SLC18A3: variants seen among roughly 807,000 people sequenced by gnomAD.
The protein encoded by SLC18A3 is vesicular acetylcholine transporter.
A neutral mutation model predicts 24.2 loss-of-function variants in SLC18A3; 18 were observed. That is an observed-to-expected ratio of 0.74 (90% CI 0.51 to 1.10). The LOEUF (loss-of-function observed/expected upper bound fraction) is 1.10. Among genes scored for constraint, SLC18A3 ranks in the 50% least tolerant of loss-of-function variants. The pLI, the probability that SLC18A3 is intolerant of heterozygous loss-of-function variation, is 0.00. For synonymous variants in SLC18A3, 415 were observed against 355.4 expected, an observed-to-expected ratio of 1.17 and a Z score of -1.89; for missense variants, 744 against 750.7, an observed-to-expected ratio of 0.99 and a Z score of 0.10.
rs769518248 is a variant in SLC18A3 at position 49,612,244 on chromosome 10, C to G, written c.1504C>G (p.Arg502Gly). ...GTACGATGCGGTGCGCCTGCGTGAG[C>G]GTCCTGTGTCTGGCCAGGACGGCGA... ...GLYDAVRLRE[R>G]PVSGQDGEPR... The change falls in exon 1 of 1, where the codon CGT becomes GGT. Residue 502 changes from arginine (R) to glycine (G), a missense_variant. Transcript: ENST00000374115. 3 of 1,609,844 alleles carry G rather than the reference C, an allele frequency of 1.9e-6. No homozygotes were observed. The Admixed American group carries it at 5.0e-5, about 27-fold the overall frequency.
rs1292312202 is a variant in SLC18A3, at chr10:49,611,360, A to G, written c.620A>G (p.Glu207Gly). 1 of 1,600,434 alleles carries G rather than the reference A, an allele frequency of 6.2e-7. No homozygotes were observed. Among genetic ancestry groups the G allele is most frequent in the Admixed American group, 1.7e-5 (1 of 59,986 alleles). ...ATGATCGCCGATAAGTACCCGGAGG[A>G]GCCGGAGCGCAGTCGTGCACTGGGC... ...IAMIADKYPEEPERSRALGVA... is the reference protein window; with the variant it reads ...IAMIADKYPEGPERSRALGVA... Residue 207 changes from glutamate (E) to glycine (G), a missense_variant, in exon 1 of 1, where the codon GAG (glutamate) becomes GGG (glycine). Glu to Gly is a moderately conservative substitution (Grantham distance 98). Coordinates refer to ENST00000374115, the MANE Select transcript of SLC18A3 (RefSeq NM_003055.3).
Position 49,612,177 on chromosome 10 carries a change from T to G in SLC18A3, c.1437T>G (p.Arg479=). The change falls in exon 1 of 1, where the codon CGT becomes CGG. Residue 479 remains arginine (R), a synonymous_variant. Transcript: ENST00000374115. The stretch of plus-strand genomic sequence containing the variant: ...ACGTGGGCCTCCTGACGCGCTCCCG[T>G]TCCGAGCGCGATGTGCTGCTTGATG... ...LRNVGLLTRS[R]SERDVLLDEP... 1 of 1,610,216 alleles carries G rather than the reference T, an allele frequency of 6.2e-7. No homozygotes were observed. Among genetic ancestry groups the G allele is most frequent in the Non-Finnish European group, 8.5e-7 (1 of 1,179,976 alleles).
Position 49,610,778 on chromosome 10 carries a change from C to T in SLC18A3, c.38C>T (p.Ala13Val), listed in dbSNP as rs974953532. The change falls in exon 1 of 1, where the codon GCG (alanine) becomes GTG (valine). Residue 13 changes from alanine (A) to valine (V), a missense_variant. This residue lies in a region of SLC18A3 where 566 missense variants were observed against 566.2 expected (regional missense o/e 1.00). Coordinates refer to ENST00000374115, the MANE Select transcript of SLC18A3 (RefSeq NM_003055.3). The stretch of plus-strand genomic sequence containing the variant: ...GAACCTGCGGGCCAGGCCCGGGCGG[C>T]GGCCACCAAGCTGTCGGAGGCTGTG... ...SAEPAGQARA[A>V]ATKLSEAVGA... The T allele has an allele frequency of 1.3e-6, 2 of 1,564,712 alleles. No individual in the cohort carries two copies. Among genetic ancestry groups the T allele is most frequent in the East Asian group, 2.3e-5 (1 of 43,222 alleles).
Position 49,611,864 on chromosome 10 carries a change from C to A in SLC18A3, c.1124C>A (p.Pro375His). 1 of 1,607,230 alleles carries A rather than the reference C, an allele frequency of 6.2e-7. No individual in the cohort carries two copies. The highest frequency in any genetic ancestry group is 2.2e-5 in the East Asian group (1 of 44,874). Residue 375 changes from proline (P) to histidine (H), a missense_variant, in exon 1 of 1, where the codon CCC becomes CAC. Physicochemically the swap from Pro to His is moderately conservative, Grantham distance 77. Transcript: ENST00000374115. ...ATCGGCGCCAGCTCGTGCATCGTGC[C>A]CGCCTGCCGCTCCTTCGCGCCGCTA... ...AVIGASSCIV[P>H]ACRSFAPLVV...
In SLC18A3 at chr10:49,610,822, C is replaced by T; in HGVS notation, c.82C>T (p.Pro28Ser). 1 of 1,605,252 alleles carries T rather than the reference C, an allele frequency of 6.2e-7. No individual in the cohort carries two copies. Among genetic ancestry groups the T allele is most frequent in the Non-Finnish European group, 8.5e-7 (1 of 1,176,184 alleles). Residue 28 changes from proline (P) to serine (S), a missense_variant, in exon 1 of 1, where the codon CCC (proline) becomes TCC (serine). Around this residue, in one of 3 missense-constraint regions of SLC18A3, gnomAD observed 566 missense variants for 566.2 expected, o/e 1.00. Transcript: ENST00000374115. The stretch of plus-strand genomic sequence containing the variant: ...GGCTGTGGGCGCGGCGCTGCAGGAG[C>T]CCCGGCGGCAGAGGCGCCTGGTGCT... ...SEAVGAALQE[P>S]RRQRRLVLVI...
In SLC18A3 at chr10:49,610,899, C is replaced by G. The variant is rs550120542; in HGVS notation, c.159C>G (p.Ile53Met). ...LLLDNMLYMV[I>M]VPIVPDYIAH... ...TGGACAACATGCTGTACATGGTCAT[C>G]GTGCCCATAGTGCCCGACTACATCG... Residue 53 changes from isoleucine (I) to methionine (M), a missense_variant, in exon 1 of 1, where the codon ATC (isoleucine) becomes ATG (methionine). This residue lies in a region of SLC18A3 where 566 missense variants were observed against 566.2 expected (regional missense o/e 1.00). Coordinates refer to ENST00000374115, the MANE Select transcript of SLC18A3 (RefSeq NM_003055.3). 4 of 1,612,944 alleles carry G rather than the reference C, an allele frequency of 2.5e-6. No individual in the cohort carries two copies. The highest frequency in any genetic ancestry group is 1.7e-5 in the Admixed American group (1 of 59,912).
rs1403471491 is a variant in SLC18A3 at position 49,611,552 on chromosome 10, G to A, written c.812G>A (p.Arg271Gln). Residue 271 changes from arginine (R) to glutamine (Q), a missense_variant, in exon 1 of 1, where the codon CGG (arginine) becomes CAG (glutamine). Arg to Gln is a conservative substitution (Grantham distance 43). This residue lies in a region of SLC18A3 where 566 missense variants were observed against 566.2 expected (regional missense o/e 1.00). Transcript: ENST00000374115. Reference sequence around the variant, plus strand: ...GCCAAACCCTTCTCGGCGGCTGCACGGGCTCGGGCCAACCTGCCAGTGGGC... The same window carrying A: ...GCCAAACCCTTCTCGGCGGCTGCACAGGCTCGGGCCAACCTGCCAGTGGGC... The part of the protein sequence containing the change: ...AVAKPFSAAA[R>Q]ARANLPVGTP... The A allele has an allele frequency of 6.2e-7, 1 of 1,604,404 alleles. No individual in the cohort carries two copies. The highest frequency in any genetic ancestry group is 1.3e-5 in the African/African-American group (1 of 74,940).
chr10:49,612,534 G>T lies in SLC18A3; in HGVS notation c.*195G>T. 1.7e-6 allele frequency: 1 copy of T among 589,400 alleles called. No individual in the cohort carries two copies. Among genetic ancestry groups the T allele is most frequent in the South Asian group, 3.0e-5 (1 of 33,386 alleles). The allele number at this position is 589,400 out of a possible 1,614,324, so 36.5% of individuals were successfully genotyped here. ...TTTCTCTCTTGTCCAATGGGGCTTG[G>T]AGCACCGAGGCCAGCGAAGCCATCG... On this transcript the variant is annotated 3_prime_UTR_variant, in exon 1 of 1. Transcript: ENST00000374115.
chr10:49,611,946 G>A lies in SLC18A3; in HGVS notation c.1206G>A (p.Leu402=). 6.2e-7 allele frequency: 1 copy of A among 1,612,554 alleles called. No homozygotes were observed. Among genetic ancestry groups the A allele is most frequent in the Non-Finnish European group, 8.5e-7 (1 of 1,179,288 alleles). The change falls in exon 1 of 1, where the codon CTG becomes CTA. Residue 402 remains leucine (L), a synonymous_variant. Transcript: ENST00000374115. ...FGIALVDTAL[L]PTLAFLVDVR... ...TAGCCCTAGTCGACACAGCACTGCT[G>A]CCCACGCTCGCCTTCCTGGTGGACG...
rs760191637 is a variant in SLC18A3, at chr10:49,611,391, G to T, written c.651G>T (p.Ala217=). Residue 217 remains alanine, a synonymous_variant, in exon 1 of 1, where the codon GCG becomes GCT. Coordinates refer to ENST00000374115, the MANE Select transcript of SLC18A3 (RefSeq NM_003055.3). ...AGCGCAGTCGTGCACTGGGCGTGGC[G>T]CTGGCCTTCATTAGCTTCGGAAGCC... ...EPERSRALGV[A]LAFISFGSLV... is the part of the protein sequence containing the mutation. 1.3e-6 allele frequency: 2 copies of T among 1,598,856 alleles called. No homozygotes were observed. The highest frequency in any genetic ancestry group is 2.2e-5 in the East Asian group (1 of 44,818).
In SLC18A3 at chr10:49,612,492, G is replaced by T; in HGVS notation, c.*153G>T. Reference sequence around the variant, plus strand: ...ACTTCTGCCCAAATCCCCTCCCTGTGACCCGTTCCATATCCCTTTCTCTCT... The same window carrying T: ...ACTTCTGCCCAAATCCCCTCCCTGTTACCCGTTCCATATCCCTTTCTCTCT... On this transcript the variant is annotated 3_prime_UTR_variant, in exon 1 of 1. Transcript: ENST00000374115. The T allele has an allele frequency of 2.7e-6, 2 of 730,910 alleles. No individual in the cohort carries two copies. The highest frequency in any genetic ancestry group is 4.5e-6 in the Non-Finnish European group (2 of 441,172). The allele number at this position is 730,910 out of a possible 1,614,324, so 45.3% of individuals were successfully genotyped here.
chr10:49,612,641 T>G lies in SLC18A3; in HGVS notation c.*302T>G. The stretch of plus-strand genomic sequence containing the variant: ...GAGCCTGCATCTGTCTGTCCTTCCT[T>G]CCATTGCTCCCAGTGCCAAACTTGG... On this transcript the variant is annotated 3_prime_UTR_variant, in exon 1 of 1. Coordinates refer to ENST00000374115, the MANE Select transcript of SLC18A3 (RefSeq NM_003055.3). 2.7e-6 allele frequency: 1 copy of G among 368,042 alleles called. No homozygotes were observed. Among genetic ancestry groups the G allele is most frequent in the Non-Finnish European group, 5.1e-6 (1 of 196,144 alleles). 22.8% of individuals were successfully genotyped at this position (368,042 alleles called of 1,614,324 possible).
Position 49,610,951 on chromosome 10 carries a change from C to A in SLC18A3, c.211C>A (p.Pro71Thr). 1 of 1,610,696 alleles carries A rather than the reference C, an allele frequency of 6.2e-7. No homozygotes were observed. Among genetic ancestry groups the A allele is most frequent in the South Asian group, 1.1e-5 (1 of 90,844 alleles). ...CCACATGCGCGGGGGCGGCGAGGGC[C>A]CCACCCGGACTCCCGAGGTGTGGGA... ...IAHMRGGGEG[P>T]TRTPEVWEPT... Residue 71 changes from proline (P) to threonine (T), a missense_variant, in exon 1 of 1, where the codon CCC becomes ACC. By Grantham distance (38) the Pro-to-Thr change is conservative. Coordinates refer to ENST00000374115, the MANE Select transcript of SLC18A3 (RefSeq NM_003055.3).
Position 49,612,087 on chromosome 10 carries a change from G to A in SLC18A3, c.1347G>A (p.Glu449=). Residue 449 remains glutamate, a synonymous_variant, in exon 1 of 1, where the codon GAG becomes GAA. Transcript: ENST00000374115. ...AGHIVHSLGF[E]QLSLGMGLAN... ...ACATTGTGCACTCGCTGGGCTTTGA[G>A]CAGCTCAGCCTTGGCATGGGACTGG... 6.2e-7 allele frequency: 1 copy of A among 1,613,538 alleles called. No individual in the cohort carries two copies.
chr10:49,611,117 T>C lies in SLC18A3; in HGVS notation c.377T>C (p.Val126Ala). ...PTESEDVKIG[V>A]LFASKAILQL... The stretch of plus-strand genomic sequence containing the variant: ...GAGAGCGAAGACGTGAAGATCGGGG[T>C]GCTGTTTGCTTCCAAGGCTATCCTG... Residue 126 changes from valine (V) to alanine (A), a missense_variant, in exon 1 of 1, where the codon GTG becomes GCG. This residue lies in a region of SLC18A3 where 566 missense variants were observed against 566.2 expected (regional missense o/e 1.00). Transcript: ENST00000374115. The C allele has an allele frequency of 1.2e-6, 2 of 1,614,064 alleles. No homozygotes were observed. The highest frequency in any genetic ancestry group is 1.7e-6 in the Non-Finnish European group (2 of 1,179,976).
chr10:49,611,543 C>T lies in SLC18A3; in HGVS notation c.803C>T (p.Ala268Val). ...LLLAVAKPFSAAARARANLPV... is the reference protein window; with the variant it reads ...LLLAVAKPFSVAARARANLPV... ...CTGGCAGTGGCCAAACCCTTCTCGG[C>T]GGCTGCACGGGCTCGGGCCAACCTG... Residue 268 changes from alanine to valine, a missense_variant, in exon 1 of 1, where the codon GCG becomes GTG. Coordinates refer to ENST00000374115, the MANE Select transcript of SLC18A3 (RefSeq NM_003055.3). 2.5e-6 allele frequency: 4 copies of T among 1,603,370 alleles called. No individual in the cohort carries two copies. Among genetic ancestry groups the T allele is most frequent in the South Asian group, 1.1e-5 (1 of 91,074 alleles).
In SLC18A3 at chr10:49,610,971, G is replaced by A. The variant is rs1838277834; in HGVS notation, c.231G>A (p.Val77=). Reference sequence around the variant, plus strand: ...AGGGCCCCACCCGGACTCCCGAGGTGTGGGAGCCCACCCTGCCGCTGCCCA... The same window carrying A: ...AGGGCCCCACCCGGACTCCCGAGGTATGGGAGCCCACCCTGCCGCTGCCCA... ...GGEGPTRTPE[V]WEPTLPLPTP... is the part of the protein sequence containing the mutation. Residue 77 remains valine, a synonymous_variant, in exon 1 of 1, where the codon GTG becomes GTA. Coordinates refer to ENST00000374115, the MANE Select transcript of SLC18A3 (RefSeq NM_003055.3). The A allele has an allele frequency of 6.2e-7, 1 of 1,611,558 alleles. No individual in the cohort carries two copies. Among genetic ancestry groups the A allele is most frequent in the Non-Finnish European group, 8.5e-7 (1 of 1,178,540 alleles).
In SLC18A3 at chr10:49,611,306, C is replaced by T. The variant is rs1316574267; in HGVS notation, c.566C>T (p.Ser189Leu). 1 of 1,606,866 alleles carries T rather than the reference C, an allele frequency of 6.2e-7. No homozygotes were observed. Among genetic ancestry groups the T allele is most frequent in the Non-Finnish European group, 8.5e-7 (1 of 1,179,898 alleles). Reference sequence around the variant, plus strand: ...GCGCGCAGCCTGCAGGGCCTGGGCTCAGCCTTCGCCGACACGTCTGGCATA... The same window carrying T: ...GCGCGCAGCCTGCAGGGCCTGGGCTTAGCCTTCGCCGACACGTCTGGCATA... The part of the protein sequence containing the change: ...FAARSLQGLG[S>L]AFADTSGIAM... Residue 189 changes from serine (S) to leucine (L), a missense_variant, in exon 1 of 1, where the codon TCA becomes TTA. This residue lies in a region of SLC18A3 where 566 missense variants were observed against 566.2 expected (regional missense o/e 1.00). Transcript: ENST00000374115.
In SLC18A3 at chr10:49,612,335, G is replaced by A. The variant is rs374783600; in HGVS notation, c.1595G>A (p.Ser532Asn). 1.2e-4 allele frequency: 191 copies of A among 1,583,298 alleles called. No individual in the cohort carries two copies. Among genetic ancestry groups the A allele is most frequent in the Non-Finnish European group, 1.6e-4 (180 of 1,160,596 alleles). Residue 532 changes from serine (S) to asparagine (N), a missense_variant, in exon 1 of 1, where the codon AGC (serine) becomes AAC (asparagine). This residue lies in a region of SLC18A3 where 160 missense variants were observed against 140.9 expected (regional missense o/e 1.14). Transcript: ENST00000374115. ...EDDYNYYYTR[S>N] ...GACTACAACTACTACTACACCCGCA[G>A]CTAGCATCCCCACTCCTCCTCCAGC...
Sources: allele counts gnomAD v4.1 joint callset, GRCh38; gene constraint gnomAD v4.1.1; regional missense constraint gnomAD v4.1.1; transcripts MANE v1.5; gene names NCBI Gene and HGNC (gene_info 2026-07-23, HGNC 2026-07-21).